Variants in TPP2 observed in about 807,000 individuals in gnomAD.
TPP2 encodes tripeptidyl-peptidase 2.
Under a neutral mutation model 155.9 loss-of-function variants are expected in TPP2, and 34 were observed. The observed-to-expected ratio is 0.22, with a 90% CI of 0.17 to 0.29. The LOEUF is 0.29. Among genes scored for constraint, TPP2 ranks in the 10% least tolerant of loss-of-function variants. TPP2 has a pLI of 1.00. For synonymous variants in TPP2, 510 were observed against 529.4 expected (o/e 0.96, Z 0.50); for missense variants, 1,028 against 1,522.3 (o/e 0.68, Z 5.40).
At chr13:102,670,197 T>C (rs1884880265) in intron 27 of TPP2, among the ~76,000 whole-genome samples, 1 of 152,160 alleles carries the variant, frequency 6.6e-6, no homozygotes, top group Admixed American at 6.6e-5. Context: ...TGAACCACTT[T>C]TGTAGGCATA....
intron 27 of TPP2, among the ~76,000 whole-genome samples, chr13:102,672,416 G>A (rs1056311115): frequency 1.3e-5 from 2 of 152,144 alleles, no homozygotes; most frequent in Admixed American, 1.3e-4. Flanking sequence ...ACATTCCATT[G>A]TTATCTGCCG....
chr13:102,667,683 T>A, intron 27 of TPP2: 1 of 879,394 alleles, frequency 1.1e-6, no homozygotes, highest in African/African-American at 1.8e-5. Flanking sequence ...GATAAGAGGA[T>A]GCTAAAATAG....
chr13:102,627,780 C>A, intron 7 of TPP2, 68 bp from the exon 8 acceptor site: 2 of 1,120,176 alleles, frequency 1.8e-6, no homozygotes, highest in East Asian at 2.5e-5. Flanking sequence ...ATATATATGC[C>A]CTTATTTTAC....
rs543361838 is a variant in TPP2, at chr13:102,675,774, A to G, written c.3580-522A>G. 3.7e-4 allele frequency among the ~76,000 whole-genome samples: 56 copies of G among 152,326 alleles called. 3 individuals carry two copies. The highest frequency in any genetic ancestry group is 3.2e-3 in the Admixed American group (49 of 15,300). ...GTTAAATACTTTAGTTGCCTTTACA[A>G]TACAAATCAGTGTCAGGATTTTCTT... On this transcript the variant is annotated intron_variant, in intron 28 of 29. Transcript: ENST00000376052.
intron 24 of TPP2, among the ~76,000 whole-genome samples, chr13:102,655,221 C>T (rs763988314): frequency 4.6e-5 from 7 of 152,040 alleles, no homozygotes; most frequent in Admixed American, 6.6e-5. Flanking sequence ...TTTTATACCC[C>T]GAAATTGTGT....
chr13:102,646,996 A>G (rs150506295), intron 20 of TPP2, among the ~76,000 whole-genome samples: 112 of 152,328 alleles, frequency 7.4e-4, no homozygotes, highest in African/African-American at 2.5e-3. Context: ...ATGAATACAC[A>G]TAGCCAGGTG....
intron 4 of TPP2, among the ~76,000 whole-genome samples, chr13:102,617,054 A>G (rs1454780081): frequency 6.6e-6 from 1 of 151,064 alleles, no homozygotes; most frequent in Non-Finnish European, 1.5e-5. Flanking sequence ...GATTACAGGC[A>G]CGTGCCACCA....
At chr13:102,668,522 G>T (rs1419082365) in intron 27 of TPP2, among the ~76,000 whole-genome samples, 1 of 152,126 alleles carries the variant, frequency 6.6e-6, no homozygotes, top group East Asian at 1.9e-4. Flanking sequence ...TCCAATCAAG[G>T]AGTGACATGT....
intron 16 of TPP2, among the ~76,000 whole-genome samples, chr13:102,643,006 C>T (rs1357350406): frequency 6.6e-6 from 1 of 152,064 alleles, no homozygotes; most frequent in Non-Finnish European, 1.5e-5. Flanking sequence ...CAGTTTCTTT[C>T]GTTCCCATAG....
intron 2 of TPP2, among the ~76,000 whole-genome samples, chr13:102,607,230 C>T (rs1193604298): frequency 1.3e-5 from 2 of 152,302 alleles, no homozygotes; most frequent in South Asian, 2.1e-4. Context: ...TTATCTGAAA[C>T]GCTGGGGACC....
At chr13:102,620,363 A>G (rs879634569) in intron 5 of TPP2, among the ~76,000 whole-genome samples, 5 of 152,256 alleles carry the variant, frequency 3.3e-5, no homozygotes, top group Non-Finnish European at 7.3e-5. Context: ...TTATTATAAT[A>G]AATGAATATA....
rs376147969 is a variant in TPP2 at position 102,646,283 on chromosome 13, C to A, written c.2394-11C>A. The A allele has an allele frequency of 2.2e-5, 36 of 1,603,662 alleles. No homozygotes were observed. Among genetic ancestry groups the A allele is most frequent in the Non-Finnish European group, 2.8e-5 (33 of 1,175,822 alleles). On this transcript the variant is annotated splice_polypyrimidine_tract_variant and intron_variant, in intron 19 of 29. Transcript: ENST00000376052. ...TTGAATCAAACCAGTTATGTAGTTT[C>A]CTCATTACAGCCCAGTGAGTGCAAA...
intron 27 of TPP2, among the ~76,000 whole-genome samples, chr13:102,672,312 C>T (rs1885033992): frequency 6.6e-6 from 1 of 152,096 alleles, no homozygotes; most frequent in Non-Finnish European, 1.5e-5. Flanking sequence ...CAAACATTGT[C>T]GACCCCCCAA....
At position 102,643,116 on chromosome 13, in the gene TPP2, A is replaced by G. The variant is rs1194283903; in HGVS notation, c.2021-106A>G. 6 of 1,050,356 alleles carry G rather than the reference A, an allele frequency of 5.7e-6. No homozygotes were observed. The African/African-American group carries it at 7.6e-5, about 13-fold the overall frequency. 65.1% of individuals were successfully genotyped at this position (1,050,356 alleles called of 1,614,324 possible). On this transcript the variant is annotated intron_variant, in intron 16 of 29. Coordinates refer to ENST00000376052, the MANE Select transcript of TPP2 (RefSeq NM_001330588.2). ...GTACATTTTATTTTTGATCCCTATT[A>G]TGTCCCTACATGGGAATTATCCCTA...
intron 27 of TPP2, among the ~76,000 whole-genome samples, chr13:102,668,343 A>G (rs1364996513): frequency 2.6e-5 from 4 of 152,132 alleles, no homozygotes; most frequent in Non-Finnish European, 4.4e-5. Context: ...CCAATTTCCT[A>G]CATCTCCCCA....
At chr13:102,636,961 T>C in intron 13 of TPP2, 121 bp from the exon 14 acceptor site, 1 of 895,358 alleles carries the variant, frequency 1.1e-6, no homozygotes, top group Non-Finnish European at 1.7e-6. Flanking sequence ...AAGCTGTGTT[T>C]TGGATGCATT....
intron 27 of TPP2, 85 bp downstream of exon 27, chr13:102,665,010 T>G: frequency 1.4e-4 from 209 of 1,505,196 alleles, no homozygotes; most frequent in Non-Finnish European, 1.7e-4. Flanking sequence ...ATAGAGGATA[T>G]TGCTTTTCTG....
intron 27 of TPP2, 50 bp from the exon 28 acceptor site, chr13:102,674,233 T>C: frequency 6.5e-7 from 1 of 1,550,330 alleles, no homozygotes; most frequent in Non-Finnish European, 8.7e-7. Context: ...AGAATTTACT[T>C]TTAAAGACAT....
chr13:102,628,551 C>T (rs1881800142), intron 8 of TPP2, among the ~76,000 whole-genome samples: 1 of 152,184 alleles, frequency 6.6e-6, no homozygotes, highest in Admixed American at 6.5e-5. Flanking sequence ...CCCCACTCCC[C>T]TCCTTCCTCG....
Sources: allele counts gnomAD v4.1 joint callset (sites outside exome capture counted in the v4.1 genomes callset), GRCh38; gene constraint gnomAD v4.1.1; transcripts MANE v1.5; gene names NCBI Gene and HGNC (gene_info 2026-07-23, HGNC 2026-07-21).